Variants in SPESP1 observed in about 807,000 individuals in gnomAD.
SPESP1 encodes the protein equatorial segment protein.
A neutral mutation model predicts 3.1 loss-of-function variants in SPESP1; 1 was observed. The observed-to-expected ratio is 0.33, with a 90% CI of 0.12 to 1.54. SPESP1 has a LOEUF of 1.54. SPESP1 is among the 40% of genes most tolerant of loss of function. The pLI, the probability that SPESP1 is intolerant of heterozygous loss-of-function variation, is 0.38. For missense variants in SPESP1, 398 were observed against 410.1 expected (o/e 0.97, Z 0.26); for synonymous variants, 138 against 150.7 (o/e 0.92, Z 0.62).
In SPESP1 at chr15:68,930,650, G is replaced by A. The variant is rs1327922145; in HGVS notation, c.-4G>A. The A allele has an allele frequency of 6.2e-7, 1 of 1,613,900 alleles. No individual in the cohort carries two copies. Among genetic ancestry groups the A allele is most frequent in the Admixed American group, 1.7e-5 (1 of 60,024 alleles). On this transcript the variant is annotated 5_prime_UTR_variant, in exon 1 of 2. Coordinates refer to ENST00000310673, the MANE Select transcript of SPESP1 (RefSeq NM_145658.4). Reference sequence around the variant, plus strand: ...CGCATGGCAGAGTGCTACGGACGACGCCTATGAAGCCCTTAGTCCTTCTAG... The same window carrying A: ...CGCATGGCAGAGTGCTACGGACGACACCTATGAAGCCCTTAGTCCTTCTAG...
chr15:68,944,368 A>AT (rs1895906030), intron 1 of SPESP1, among the ~76,000 whole-genome samples: 2 of 151,866 alleles, frequency 1.3e-5, no homozygotes, highest in South Asian at 4.2e-4. Context: ...CCTCAAAAAA[A>AT]GACTCTCCAC....
At chr15:68,938,966 T>C (rs1187882136) in intron 1 of SPESP1, among the ~76,000 whole-genome samples, 1 of 152,240 alleles carries the variant, frequency 6.6e-6, no homozygotes, top group Non-Finnish European at 1.5e-5. Flanking sequence ...ATCTTCCATT[T>C]CCCCTTTGGA....
At chr15:68,943,249 C>T (rs1280253303) in intron 1 of SPESP1, among the ~76,000 whole-genome samples, 5 of 151,990 alleles carry the variant, frequency 3.3e-5, no homozygotes, top group African/African-American at 1.2e-4. Flanking sequence ...ATCTGCAGTT[C>T]ACAGACAAAA....
At chr15:68,932,063 ATT>A (rs1895557685) in intron 1 of SPESP1, among the ~76,000 whole-genome samples, 1 of 152,326 alleles carries the variant, frequency 6.6e-6, no homozygotes, top group East Asian at 1.9e-4. Flanking sequence ...AAATACTAGC[ATT>A]TATGATTTGT....
intron 1 of SPESP1, 142 bp downstream of exon 1, chr15:68,930,859 G>T (rs1475055847): frequency 3.1e-6 from 4 of 1,284,120 alleles, no homozygotes; most frequent in African/African-American, 1.5e-5. Flanking sequence ...TGGCCTCGAC[G>T]CCGAGGGGTG....
In SPESP1 at chr15:68,946,662, A is replaced by C. The variant is rs1468310314; in HGVS notation, c.*75A>C. 3 of 1,310,788 alleles carry C rather than the reference A, an allele frequency of 2.3e-6. No individual in the cohort carries two copies. Among genetic ancestry groups the C allele is most frequent in the Non-Finnish European group, 2.9e-6 (3 of 1,024,766 alleles). 81.2% of individuals were successfully genotyped at this position (1,310,788 alleles called of 1,614,324 possible). On this transcript the variant is annotated 3_prime_UTR_variant, in exon 2 of 2. Transcript: ENST00000310673. ...ATTTAAGCAAACTGCATTTTTTCAC[A>C]GGAGAAATAATCATATTCGTAATTT...
intron 1 of SPESP1, among the ~76,000 whole-genome samples, chr15:68,940,031 AT>A (rs1895778295): frequency 6.6e-6 from 1 of 152,042 alleles, no homozygotes; most frequent in South Asian, 2.1e-4. Context: ...TTAAAAAAAC[AT>A]TTTATTACGG....
chr15:68,946,389 A>G lies in SPESP1; in HGVS notation c.855A>G (p.Pro285=), dbSNP rs377158967. The G allele has an allele frequency of 2.2e-5, 36 of 1,614,064 alleles. No individual in the cohort carries two copies. The highest frequency in any genetic ancestry group is 3.1e-5 in the Non-Finnish European group (36 of 1,180,036). ...CAATGTATAAGTCCCAGTTATTGCCAGTAGGACGAACAAGTAATAAAATTG... is the reference window on the plus strand; with the variant it reads ...CAATGTATAAGTCCCAGTTATTGCCGGTAGGACGAACAAGTAATAAAATTG... ...LKTMYKSQLL[P]VGRTSNKIDD... is the part of the protein sequence containing the mutation. Residue 285 remains proline, a synonymous_variant, in exon 2 of 2, where the codon CCA becomes CCG. Coordinates refer to ENST00000310673, the MANE Select transcript of SPESP1 (RefSeq NM_145658.4).
intron 1 of SPESP1, among the ~76,000 whole-genome samples, chr15:68,935,710 T>C (rs1895665166): frequency 6.6e-6 from 1 of 152,242 alleles, no homozygotes; most frequent in Admixed American, 6.5e-5. Context: ...ACTTGATTAA[T>C]ATGAACATAA....
chr15:68,945,490 C>T, intron 1 of SPESP1, 109 bp from the exon 2 acceptor site: 1 of 892,738 alleles, frequency 1.1e-6, no homozygotes, highest in Non-Finnish European at 1.6e-6. Context: ...TTCTTTATTT[C>T]AATTTTTAAG....
intron 1 of SPESP1, among the ~76,000 whole-genome samples, chr15:68,942,228 A>G (rs554666908): frequency 7.9e-4 from 117 of 147,284 alleles, no homozygotes; most frequent in African/African-American, 2.6e-3. Flanking sequence ...CTTATTTCTT[A>G]TATCTTCTAA....
intron 1 of SPESP1, among the ~76,000 whole-genome samples, chr15:68,936,122 T>C (rs1049490774): frequency 1.3e-5 from 2 of 152,090 alleles, no homozygotes; most frequent in African/African-American, 4.8e-5. Context: ...TCAGCCAGAG[T>C]GTGTGGACCA....
At position 68,930,778 on chromosome 15, in the gene SPESP1, C is replaced by G; in HGVS notation, c.64+61C>G. The G allele has an allele frequency of 1.9e-6, 3 of 1,610,942 alleles. No individual in the cohort carries two copies. The Admixed American group carries it at 5.0e-5, about 27-fold the overall frequency. ...ACACCCTGGGGGAACTTCCCGAGCT[C>G]CGCGACCTCGAAGCCTGGCCCTTCC... On this transcript the variant is annotated intron_variant, in intron 1 of 1. Transcript: ENST00000310673.
At chr15:68,944,714 G>A (rs1895914933) in intron 1 of SPESP1, among the ~76,000 whole-genome samples, 2 of 152,090 alleles carry the variant, frequency 1.3e-5, no homozygotes, top group Non-Finnish European at 2.9e-5. Context: ...CTCTAGTGTT[G>A]CAGGCAAAAG....
intron 1 of SPESP1, among the ~76,000 whole-genome samples, chr15:68,944,533 C>A (rs1020027347): frequency 1.3e-5 from 2 of 151,648 alleles, no homozygotes; most frequent in Non-Finnish European, 2.9e-5. Flanking sequence ...TATTTTTGAT[C>A]CGGGGGCAGG....
At chr15:68,934,145 C>G (rs1435430362) in intron 1 of SPESP1, among the ~76,000 whole-genome samples, 1 of 151,836 alleles carries the variant, frequency 6.6e-6, no homozygotes, top group Admixed American at 6.6e-5. Flanking sequence ...TCCTCTAGAT[C>G]ATCTCTTGGT....
chr15:68,944,579 G>A (rs1895911599), intron 1 of SPESP1, among the ~76,000 whole-genome samples: 1 of 152,144 alleles, frequency 6.6e-6, no homozygotes, highest in Admixed American at 6.6e-5. Context: ...GGTTCATGAA[G>A]TAGAACTACC....
Position 68,945,661 on chromosome 15 carries a change from C to G in SPESP1, c.127C>G (p.Leu43Val), listed in dbSNP as rs1415426848. 6.2e-7 allele frequency: 1 copy of G among 1,610,160 alleles called. No homozygotes were observed. Among genetic ancestry groups the G allele is most frequent in the Non-Finnish European group, 8.5e-7 (1 of 1,178,990 alleles). Reference protein sequence around the residue: ...LNHYIQVLENLVRSVPSGEPG... With the variant: ...LNHYIQVLENVVRSVPSGEPG... ...TCATTATATACAAGTTTTAGAGAAC[C>G]TAGTACGAAGTGTTCCCTCTGGGGA... Residue 43 changes from leucine to valine, a missense_variant, in exon 2 of 2, where the codon CTA becomes GTA. Leu to Val is a conservative substitution (Grantham distance 32). Transcript: ENST00000310673.
At chr15:68,945,445 A>G (rs541314986) in intron 1 of SPESP1, among the ~76,000 whole-genome samples, 154 bp from the exon 2 acceptor site, 48 of 152,340 alleles carry the variant, frequency 3.2e-4, no homozygotes, top group South Asian at 1.7e-3. Flanking sequence ...TTTAAGTGAA[A>G]GTTGACTCTG....
Sources: allele counts gnomAD v4.1 joint callset (sites outside exome capture counted in the v4.1 genomes callset), GRCh38; gene constraint gnomAD v4.1.1; transcripts MANE v1.5; gene names NCBI Gene and HGNC (gene_info 2026-07-23, HGNC 2026-07-21).